TXNDC16: variants seen among roughly 807,000 people sequenced by gnomAD.
TXNDC16 encodes the protein thioredoxin domain-containing protein 16.
TXNDC16 carries 74 observed loss-of-function variants against 85.6 expected under a neutral mutation model. That is an observed-to-expected ratio of 0.86 (90% CI 0.72 to 1.05). The LOEUF (loss-of-function observed/expected upper bound fraction) is 1.05. Among genes scored for constraint, TXNDC16 ranks in the 50% least tolerant of loss-of-function variants. TXNDC16 has a pLI of 0.00. For synonymous variants in TXNDC16, 335 were observed against 326.5 expected, an observed-to-expected ratio of 1.03 and a Z score of -0.28; for missense variants, 959 against 947.0, an observed-to-expected ratio of 1.01 and a Z score of -0.17.
rs2034888694 is a variant in TXNDC16 at position 52,431,315 on chromosome 14, T to G, written c.*989A>C. 1 of 152,218 alleles carries G rather than the reference T, an allele frequency of 6.6e-6. No homozygotes were observed. Among genetic ancestry groups the G allele is most frequent in the Non-Finnish European group, 1.5e-5 (1 of 68,034 alleles). The allele number at this position is 152,218 out of a possible 1,614,324, so 9.4% of individuals were successfully genotyped here. ...CAGAATGCTGAATCCCTGTTCAATC[T>G]GAAATTTAGCCATATAACTTGTAGA... On this transcript the variant is annotated 3_prime_UTR_variant, in exon 21 of 21. Transcript: ENST00000281741.
chr14:52,495,930 C>CA (rs1310250032), intron 9 of TXNDC16, among the ~76,000 whole-genome samples: 2 of 152,038 alleles, frequency 1.3e-5, no homozygotes, highest in African/African-American at 4.8e-5. Context: ...GAGGCTGAGG[C>CA]AGGCGGATCA....
At chr14:52,518,045 T>C (rs1555340888) in intron 7 of TXNDC16, among the ~76,000 whole-genome samples, 1 of 152,216 alleles carries the variant, frequency 6.6e-6, no homozygotes, top group Non-Finnish European at 1.5e-5. Context: ...CAGCATCATT[T>C]AACACAATTG....
chr14:52,517,431 G>A (rs1047259234), intron 7 of TXNDC16, among the ~76,000 whole-genome samples: 4 of 151,808 alleles, frequency 2.6e-5, no homozygotes, highest in Admixed American at 1.3e-4. Context: ...CCAGGCCTCC[G>A]AAATAGCTCT....
At chr14:52,532,387 A>C (rs113767740) in intron 6 of TXNDC16, among the ~76,000 whole-genome samples, 13,131 of 152,174 alleles carry the variant, frequency 0.086, 628 homozygotes, top group East Asian at 0.14. Context: ...AAAATAAATC[A>C]AGTTTAAAAC....
intron 9 of TXNDC16, among the ~76,000 whole-genome samples, chr14:52,503,501 C>T (rs2036713086): frequency 6.6e-6 from 1 of 152,206 alleles, no homozygotes. Flanking sequence ...AACAGACCTG[C>T]AGCTGAGGGT....
chr14:52,486,161 C>T (rs971052356), intron 12 of TXNDC16, among the ~76,000 whole-genome samples: 3 of 151,506 alleles, frequency 2.0e-5, no homozygotes, highest in African/African-American at 7.3e-5. Flanking sequence ...CTTTTTCCTC[C>T]TTTCCCTCTT....
chr14:52,450,405 A>G (rs948433442), intron 18 of TXNDC16, among the ~76,000 whole-genome samples: 3 of 151,712 alleles, frequency 2.0e-5, no homozygotes, highest in African/African-American at 7.3e-5. Flanking sequence ...ACCTAAATGG[A>G]CCAATAACAA....
At chr14:52,433,632 G>C (rs2034958890) in intron 20 of TXNDC16, among the ~76,000 whole-genome samples, 1 of 152,108 alleles carries the variant, frequency 6.6e-6, no homozygotes. Flanking sequence ...TACACATGCA[G>C]TACAGCTGTA....
intron 9 of TXNDC16, among the ~76,000 whole-genome samples, chr14:52,506,717 C>T (rs1357918765): frequency 1.0e-4 from 15 of 143,050 alleles, no homozygotes; most frequent in Non-Finnish European, 1.7e-4. Flanking sequence ...CCACCGCGCC[C>T]GGCTAATTTT....
intron 1 of TXNDC16, among the ~76,000 whole-genome samples, chr14:52,551,686 C>T (rs2038052736): frequency 6.6e-6 from 1 of 152,080 alleles, no homozygotes; most frequent in Non-Finnish European, 1.5e-5. Context: ...CAACTATGTG[C>T]CGGCCCAATA....
intron 20 of TXNDC16, among the ~76,000 whole-genome samples, chr14:52,432,968 T>C (rs2034940706): frequency 6.6e-6 from 1 of 152,190 alleles, no homozygotes; most frequent in Non-Finnish European, 1.5e-5. Flanking sequence ...TGCTTCCCTC[T>C]CTACTGCCAA....
chr14:52,548,493 C>T (rs975739807), intron 1 of TXNDC16, among the ~76,000 whole-genome samples: 18 of 152,140 alleles, frequency 1.2e-4, no homozygotes, highest in African/African-American at 1.9e-4. Flanking sequence ...TTTGTCAATT[C>T]GCCAACAACC....
chr14:52,502,737 C>T (rs10132407), intron 9 of TXNDC16, among the ~76,000 whole-genome samples: 11 of 151,522 alleles, frequency 7.3e-5, no homozygotes, highest in East Asian at 5.8e-4. Flanking sequence ...GCAGGACAGT[C>T]GGTACAGCGC....
At chr14:52,499,024 T>G (rs1384894458) in intron 9 of TXNDC16, among the ~76,000 whole-genome samples, 1 of 152,166 alleles carries the variant, frequency 6.6e-6, no homozygotes, top group Admixed American at 6.5e-5. Flanking sequence ...CCTTCATGTA[T>G]ATGTTCAAAT....
intron 20 of TXNDC16, among the ~76,000 whole-genome samples, chr14:52,438,787 A>G (rs1327473134): frequency 6.6e-6 from 1 of 152,216 alleles, no homozygotes; most frequent in African/African-American, 2.4e-5. Flanking sequence ...TTACAGTTAT[A>G]AAAAGAAAAC....
chr14:52,536,791 C>A lies in TXNDC16; in HGVS notation c.320G>T (p.Gly107Val), dbSNP rs756748028. The A allele has an allele frequency of 1.2e-6, 2 of 1,606,332 alleles. No individual in the cohort carries two copies. The highest frequency in any genetic ancestry group is 1.7e-6 in the Non-Finnish European group (2 of 1,176,180). The change falls in exon 6 of 21, where the codon GGC (glycine) becomes GTC (valine). Residue 107 changes from glycine (G) to valine (V), a missense_variant and splice_region_variant. Physicochemically the swap from Gly to Val is moderately radical, Grantham distance 109. Transcript: ENST00000281741. ...AGGGAATTCTCTGAGCAATATGTTG[C>A]CCCTATAAAAAGTTTAAAAACATAT... ...KDLMKAYLFK[G>V]NILLREFPTD...
chr14:52,448,924 T>C (rs1360564231), intron 18 of TXNDC16, among the ~76,000 whole-genome samples: 4 of 151,960 alleles, frequency 2.6e-5, no homozygotes, highest in African/African-American at 9.7e-5. Flanking sequence ...TTTACAAGCA[T>C]CATGGTAACT....
chr14:52,493,206 TATATATATATACAC>T (rs760013293), intron 9 of TXNDC16, among the ~76,000 whole-genome samples: 1 of 132,314 alleles, frequency 7.6e-6, no homozygotes. Flanking sequence ...TATATATATA[TATATATATATACAC>T]ACACACACAC....
chr14:52,511,891 C>T (rs187274827), intron 8 of TXNDC16, among the ~76,000 whole-genome samples: 1 of 152,192 alleles, frequency 6.6e-6, no homozygotes, highest in Non-Finnish European at 1.5e-5. Context: ...GAGTTTGTAT[C>T]TGAAATATTA....
Sources: gnomAD v4.1 joint callset for allele counts (sites outside exome capture counted in the v4.1 genomes callset) on GRCh38, gnomAD v4.1.1 for gene constraint, MANE v1.5 for transcripts, NCBI Gene and HGNC (gene_info 2026-07-23, HGNC 2026-07-21) for gene names.